The following MANEA variants were observed in gnomAD, a reference collection of about 807,000 sequenced individuals.
The protein encoded by MANEA is glycoprotein endo-alpha-1,2-mannosidase.
MANEA carries 25 observed loss-of-function variants against 36.8 expected under a neutral mutation model. That is an observed-to-expected ratio of 0.68 (90% confidence interval 0.50 to 0.95). The LOEUF (loss-of-function observed/expected upper bound fraction) is 0.95. Ranked by LOEUF, MANEA falls within the 40% of genes least tolerant of loss-of-function variation. The probability of loss-of-function intolerance (pLI) is 0.00; values close to 1 mark genes in which losing one functional copy is unlikely to be tolerated. For synonymous variants in MANEA, 198 were observed against 188.5 expected (o/e 1.05, Z -0.41); for missense variants, 565 against 558.8 (o/e 1.01, Z -0.11).
At chr6:95,580,161 A>T (rs1769152109) in intron 1 of MANEA, among the ~76,000 whole-genome samples, 2 of 152,120 alleles carry the variant, frequency 1.3e-5, no homozygotes, top group Admixed American at 1.3e-4. Context: ...TATACACCGT[A>T]AACTTATCAA....
intron 3 of MANEA, among the ~76,000 whole-genome samples, chr6:95,600,823 T>C (rs374789939): frequency 1.2e-4 from 18 of 152,366 alleles, no homozygotes; most frequent in East Asian, 5.8e-4. Flanking sequence ...AGGGAATGAA[T>C]CCGTCTCACA....
At position 95,586,469 on chromosome 6, in the gene MANEA, C is replaced by A. The variant is rs756220119; in HGVS notation, c.30C>A (p.Ile10=). Residue 10 remains isoleucine (I), a synonymous_variant, in exon 2 of 5, where the codon ATC becomes ATA. Coordinates refer to ENST00000358812, the MANE Select transcript of MANEA (RefSeq NM_024641.4). MAKFRRRTC[I]ILALFILFIF... ...CAAAGTTTCGGAGAAGGACTTGCAT[C>A]ATTTTGGCACTTTTTATTCTATTTA... is the stretch of plus-strand genomic sequence containing the variant. 8 of 1,610,054 alleles carry A rather than the reference C, an allele frequency of 5.0e-6. No individual in the cohort carries two copies. In the East Asian group the frequency reaches 1.8e-4, roughly 36 times the overall value.
At chr6:95,584,729 A>G (rs1439806323) in intron 1 of MANEA, among the ~76,000 whole-genome samples, 2 of 152,054 alleles carry the variant, frequency 1.3e-5, no homozygotes, top group African/African-American at 2.4e-5. Flanking sequence ...TCTTAATAAA[A>G]TTTGCTGGTT....
chr6:95,596,995 A>G (rs1769494644), intron 3 of MANEA, 149 bp downstream of exon 3: 4 of 438,986 alleles, frequency 9.1e-6, no homozygotes, highest in Admixed American at 3.8e-5. Flanking sequence ...AATTTCTATA[A>G]TAGGAATTTC....
intron 1 of MANEA, among the ~76,000 whole-genome samples, chr6:95,583,582 T>G (rs970198111): frequency 9.9e-5 from 15 of 152,144 alleles, no homozygotes; most frequent in African/African-American, 3.6e-4. Flanking sequence ...AAAATACAGT[T>G]AACTTTAGTT....
chr6:95,605,589 A>G (rs1769690560), intron 4 of MANEA, among the ~76,000 whole-genome samples, 159 bp from the exon 5 acceptor site: 4 of 152,190 alleles, frequency 2.6e-5, no homozygotes. Flanking sequence ...TAAAATTAAA[A>G]ATGCATTTTT....
chr6:95,592,613 C>T (rs556371272), intron 2 of MANEA, among the ~76,000 whole-genome samples: 1 of 152,228 alleles, frequency 6.6e-6, no homozygotes, highest in Non-Finnish European at 1.5e-5. Context: ...TCTAAATTTC[C>T]TATGAACACA....
At chr6:95,591,765 T>C (rs1002789523) in intron 2 of MANEA, among the ~76,000 whole-genome samples, 1 of 152,160 alleles carries the variant, frequency 6.6e-6, no homozygotes, top group African/African-American at 2.4e-5. Context: ...TGGCCTGATC[T>C]CAGCTCACTG....
intron 2 of MANEA, among the ~76,000 whole-genome samples, chr6:95,588,813 T>G (rs1016139941): frequency 6.6e-6 from 1 of 151,494 alleles, no homozygotes; most frequent in East Asian, 1.9e-4. Context: ...AAATAATATA[T>G]GTGGTAAATA....
In MANEA at chr6:95,586,513, G is replaced by A. The variant is rs768285465; in HGVS notation, c.74G>A (p.Gly25Asp). The change falls in exon 2 of 5, where the codon GGT (glycine) becomes GAT (aspartate). Residue 25 changes from glycine to aspartate, a missense_variant. By Grantham distance (94) the Gly-to-Asp change is moderately conservative. Transcript: ENST00000358812. ...CTATTTATTTTCTCTCTGATGATGGGTTTAAAAATGCTGAGACCAAATACA... is the reference window on the plus strand; with the variant it reads ...CTATTTATTTTCTCTCTGATGATGGATTTAAAAATGCTGAGACCAAATACA... ...FILFIFSLMM[G>D]LKMLRPNTAT... 5.0e-5 allele frequency: 81 copies of A among 1,613,758 alleles called. 1 individual carries two copies. In the South Asian group the frequency reaches 7.0e-4, roughly 14 times the overall value.
chr6:95,595,797 C>T (rs4466257), intron 2 of MANEA, among the ~76,000 whole-genome samples: 90,683 of 151,850 alleles, frequency 0.6, 27,481 homozygotes, highest in East Asian at 0.87. Flanking sequence ...CATAATTTAT[C>T]AGTTCAAAAA....
intron 3 of MANEA, 60 bp downstream of exon 3, chr6:95,596,906 A>G (rs959864508): frequency 6.6e-6 from 5 of 760,272 alleles, no homozygotes; most frequent in African/African-American, 5.3e-5. Flanking sequence ...GAGGAGAGTA[A>G]TAACAATTTT....
chr6:95,587,932 C>CT (rs1562196799), intron 2 of MANEA, among the ~76,000 whole-genome samples: 1 of 151,662 alleles, frequency 6.6e-6, no homozygotes, highest in African/African-American at 2.4e-5. Context: ...TTTCTTCTGG[C>CT]TTATGTTATT....
intron 1 of MANEA, among the ~76,000 whole-genome samples, chr6:95,578,025 T>G (rs1769103250): frequency 6.6e-6 from 1 of 152,192 alleles, no homozygotes. Flanking sequence ...TTTCAGCACC[T>G]TCTCCTTGTG....
Position 95,597,359 on chromosome 6 carries a change from C to T in MANEA, c.654+513C>T, listed in dbSNP as rs906097460. 2.6e-5 allele frequency among the ~76,000 whole-genome samples: 4 copies of T among 151,990 alleles called. No individual in the cohort carries two copies. The South Asian group carries it at 8.3e-4, about 31-fold the overall frequency. On this transcript the variant is annotated intron_variant, in intron 3 of 4. Transcript: ENST00000358812. ...GTGTGTTGCAAATGAGGGAACACTTCTGACAGTCTTAAGATTTTATTTCTT... is the reference window on the plus strand; with the variant it reads ...GTGTGTTGCAAATGAGGGAACACTTTTGACAGTCTTAAGATTTTATTTCTT...
At chr6:95,590,592 C>G (rs1306283948) in intron 2 of MANEA, among the ~76,000 whole-genome samples, 1 of 152,094 alleles carries the variant, frequency 6.6e-6, no homozygotes, top group Non-Finnish European at 1.5e-5. Context: ...CTAATAACAT[C>G]TAATATGATG....
intron 2 of MANEA, among the ~76,000 whole-genome samples, chr6:95,594,641 T>C (rs190983993): frequency 6.9e-4 from 105 of 152,340 alleles, no homozygotes; most frequent in South Asian, 1.2e-3. Flanking sequence ...TTGTTCTTTA[T>C]GAAATACTTT....
rs188811734 is a variant in MANEA at position 95,609,264 on chromosome 6, T to C, written c.*2859T>C. 1 of 151,782 alleles carries C rather than the reference T, an allele frequency of 6.6e-6. No individual in the cohort carries two copies. Among genetic ancestry groups the C allele is most frequent in the Non-Finnish European group, 1.5e-5 (1 of 67,700 alleles). The allele number at this position is 151,782 out of a possible 1,614,324, so 9.4% of individuals were successfully genotyped here. ...TTTATGGTTTAATCAGTCTAATTGTTTTGACTGTTATAGAAACCAAATATT... is the reference window on the plus strand; with the variant it reads ...TTTATGGTTTAATCAGTCTAATTGTCTTGACTGTTATAGAAACCAAATATT... On this transcript the variant is annotated 3_prime_UTR_variant, in exon 5 of 5. Coordinates refer to ENST00000358812, the MANE Select transcript of MANEA (RefSeq NM_024641.4).
intron 1 of MANEA, among the ~76,000 whole-genome samples, chr6:95,585,850 T>G (rs2127938968): frequency 6.6e-6 from 1 of 152,314 alleles, no homozygotes. Context: ...TTGTAAATTT[T>G]ACACTTAGAT....
Sources: gnomAD v4.1 joint callset for allele counts (sites outside exome capture counted in the v4.1 genomes callset) on GRCh38, gnomAD v4.1.1 for gene constraint, MANE v1.5 for transcripts, NCBI Gene and HGNC (gene_info 2026-07-23, HGNC 2026-07-21) for gene names.